The following BLTP1 variants were observed in gnomAD, a reference collection of about 807,000 sequenced individuals.
BLTP1 encodes bridge-like lipid transfer protein family member 1, also known as fragile site-associated protein.
the BLTP1 span, chr4:122,346,595 G>A: frequency 6.2e-7 from 1 of 1,606,118 alleles, no homozygotes; most frequent in Non-Finnish European, 8.5e-7. Context: ...TTAGAAATCT[G>A]TACTAACAAA....
chr4:122,350,198 A>G, the BLTP1 span: 1 of 1,439,844 alleles, frequency 6.9e-7, no homozygotes, highest in Non-Finnish European at 9.1e-7. Context: ...TCTTTATCTC[A>G]CTCAGTTAGC....
chr4:122,152,691 C>A, the BLTP1 span: 2 of 944,228 alleles, frequency 2.1e-6, no homozygotes, highest in Non-Finnish European at 2.5e-6. Flanking sequence ...TTAGTAGTGG[C>A]TGCCTGCGGC....
chr4:122,264,016 G>A, the BLTP1 span: 2 of 702,850 alleles, frequency 2.8e-6, no homozygotes, highest in South Asian at 1.3e-4. Flanking sequence ...AAAACAGTAT[G>A]TATGTATAAG....
chr4:122,168,017 T>A, the BLTP1 span: 1 of 452,846 alleles, frequency 2.2e-6, no homozygotes, highest in Non-Finnish European at 2.9e-6. Context: ...GGATTCTGTG[T>A]CTAGTGTTGC....
At chr4:122,189,864 T>A in the BLTP1 span, 1 of 1,323,534 alleles carries the variant, frequency 7.6e-7, no homozygotes. Context: ...TTCTTTCTTT[T>A]CAGGATGCTA....
the BLTP1 span, chr4:122,327,917 T>C: frequency 1.2e-5 from 4 of 345,532 alleles, no homozygotes; most frequent in Admixed American, 8.8e-5. Flanking sequence ...AGTGTAACTT[T>C]CTGTGGTTGG....
the BLTP1 span, chr4:122,154,153 G>A: frequency 7.5e-5 from 29 of 385,680 alleles, no homozygotes; most frequent in African/African-American, 3.6e-4. Context: ...TCAAATTTTC[G>A]GTTAAAGACT....
the BLTP1 span, chr4:122,185,555 A>G: frequency 1.6e-4 from 80 of 488,938 alleles, 2 homozygotes; most frequent in East Asian, 6.1e-3. Flanking sequence ...CACAGTTCAT[A>G]AAACCTATGT....
the BLTP1 span, chr4:122,261,918 T>C: frequency 3.6e-5 from 35 of 985,340 alleles, no homozygotes; most frequent in East Asian, 3.7e-3. Flanking sequence ...TAAGCTTTTC[T>C]GCTTTTCAGA....
chr4:122,255,032 A>T, the BLTP1 span: 2 of 1,495,574 alleles, frequency 1.3e-6, no homozygotes, highest in Non-Finnish European at 1.8e-6. Flanking sequence ...TCATTATTGG[A>T]AAATATCAGA....
At chr4:122,273,735 G>C in the BLTP1 span, among the ~76,000 whole-genome samples, 8 of 151,944 alleles carry the variant, frequency 5.3e-5, no homozygotes, top group Non-Finnish European at 1.2e-4. Context: ...TGTGTGAAAA[G>C]ATATCTGTAC....
At chr4:122,221,927 C>G in the BLTP1 span, 2 of 981,890 alleles carry the variant, frequency 2.0e-6, no homozygotes, top group Non-Finnish European at 2.4e-6. Context: ...CTTTTCCAGA[C>G]ATAGAAAACA....
the BLTP1 span, among the ~76,000 whole-genome samples, chr4:122,218,314 TATTATA>T: frequency 1.3e-5 from 2 of 152,136 alleles, no homozygotes; most frequent in African/African-American, 4.8e-5. Context: ...TTCAGAATTG[TATTATA>T]AAGACAGTTA....
the BLTP1 span, chr4:122,271,339 A>G: frequency 6.2e-7 from 1 of 1,613,816 alleles, no homozygotes; most frequent in Admixed American, 1.7e-5. Flanking sequence ...CTTCCCCAAC[A>G]CCTACCTTCA....
At chr4:122,236,814 C>T in the BLTP1 span, 1 of 984,948 alleles carries the variant, frequency 1.0e-6, no homozygotes, top group Non-Finnish European at 1.2e-6. Context: ...TGGTGATTCT[C>T]TTAGTAGTGA....
chr4:122,259,470 A>G, the BLTP1 span, among the ~76,000 whole-genome samples: 1 of 152,138 alleles, frequency 6.6e-6, no homozygotes, highest in Non-Finnish European at 1.5e-5. Context: ...CCCTTAATGA[A>G]TCATTTGTTG....
At chr4:122,209,515 C>A in the BLTP1 span, 1 of 272,018 alleles carries the variant, frequency 3.7e-6, no homozygotes, top group Non-Finnish European at 5.6e-6. Flanking sequence ...CATCATGGCG[C>A]ATGCCTGTAG....
the BLTP1 span, chr4:122,234,277 A>AT: frequency 8.2e-6 from 3 of 365,438 alleles, no homozygotes; most frequent in African/African-American, 6.7e-5. Context: ...CATTATTTTA[A>AT]TTTTATTGAG....
chr4:122,338,366 G>A, the BLTP1 span, among the ~76,000 whole-genome samples: 4 of 152,072 alleles, frequency 2.6e-5, no homozygotes, highest in South Asian at 6.2e-4. Context: ...CTAGCAACTT[G>A]GGAGGCTGAG....
Sources: gnomAD v4.1 joint callset for allele counts (sites outside exome capture counted in the v4.1 genomes callset) on GRCh38, gnomAD v4.1.1 for gene constraint, MANE v1.5 for transcripts, NCBI Gene and HGNC (gene_info 2026-07-23, HGNC 2026-07-21) for gene names.